The following TAS2R1 variants were observed in gnomAD, a reference collection of about 807,000 sequenced individuals.
TAS2R1 encodes the protein taste receptor type 2 member 1.
For synonymous variants in TAS2R1, 141 were observed against 134.2 expected (o/e 1.05, Z -0.35); for missense variants, 370 against 353.4 (o/e 1.05, Z -0.38).
chr5:9,654,157 C>T (rs1442849663), intron 2 of TAS2R1, among the ~76,000 whole-genome samples: 1 of 152,138 alleles, frequency 6.6e-6, no homozygotes, highest in Non-Finnish European at 1.5e-5. Context: ...TAGGAATTTC[C>T]ATGATGCCTG....
chr5:9,654,131 T>C (rs1740361796), intron 2 of TAS2R1, among the ~76,000 whole-genome samples: 1 of 152,198 alleles, frequency 6.6e-6, no homozygotes, highest in African/African-American at 2.4e-5. Context: ...TAGAGAACTT[T>C]TAAAATTACT....
intron 2 of TAS2R1, among the ~76,000 whole-genome samples, chr5:9,648,957 C>T (rs1379008022): frequency 1.3e-5 from 2 of 152,112 alleles, no homozygotes; most frequent in Non-Finnish European, 2.9e-5. Flanking sequence ...TTTTATCTGG[C>T]AGTGCTTAAA....
the TAS2R1 span, among the ~76,000 whole-genome samples, chr5:9,807,252 A>T: frequency 1.3e-5 from 2 of 152,126 alleles, no homozygotes; most frequent in Admixed American, 1.3e-4. Context: ...TGAAAAGATA[A>T]TAGATGATGG....
At chr5:9,650,024 A>C (rs1349908422) in intron 2 of TAS2R1, among the ~76,000 whole-genome samples, 1 of 152,230 alleles carries the variant, frequency 6.6e-6, no homozygotes, top group East Asian at 1.9e-4. Flanking sequence ...AGATTGTTAT[A>C]TAGTCTGGAA....
chr5:9,875,488 G>GACAC, the TAS2R1 span, among the ~76,000 whole-genome samples: 1 of 152,202 alleles, frequency 6.6e-6, no homozygotes, highest in Non-Finnish European at 1.5e-5. Context: ...ACAGCATGCA[G>GACAC]ACACTCACAG....
the TAS2R1 span, among the ~76,000 whole-genome samples, chr5:9,719,142 G>T: frequency 6.6e-6 from 1 of 152,280 alleles, no homozygotes; most frequent in South Asian, 2.1e-4. Context: ...ATTAATAAAA[G>T]ATATTTTTCT....
chr5:9,748,299 C>T, the TAS2R1 span, among the ~76,000 whole-genome samples: 1 of 152,068 alleles, frequency 6.6e-6, no homozygotes, highest in Non-Finnish European at 1.5e-5. Context: ...GTGGCACAAT[C>T]GCGGCTCACT....
At chr5:9,785,512 C>G in the TAS2R1 span, among the ~76,000 whole-genome samples, 1 of 152,118 alleles carries the variant, frequency 6.6e-6, no homozygotes, top group Non-Finnish European at 1.5e-5. Flanking sequence ...CTTCCTTTAT[C>G]TTTGTGGAGA....
At chr5:9,838,323 T>C in the TAS2R1 span, among the ~76,000 whole-genome samples, 6 of 152,160 alleles carry the variant, frequency 3.9e-5, no homozygotes, top group African/African-American at 1.4e-4. Context: ...CCCTGGTTTT[T>C]TTCCCAGAAG....
At chr5:9,761,643 TA>T in the TAS2R1 span, among the ~76,000 whole-genome samples, 1 of 152,264 alleles carries the variant, frequency 6.6e-6, no homozygotes, top group Non-Finnish European at 1.5e-5. Flanking sequence ...TGTTTTTATC[TA>T]GGCTTTGAAT....
chr5:9,689,911 G>A (rs1310236058), intron 1 of TAS2R1, among the ~76,000 whole-genome samples: 1 of 152,164 alleles, frequency 6.6e-6, no homozygotes, highest in Non-Finnish European at 1.5e-5. Context: ...CTGCACGAAT[G>A]AGCTGGGAGT....
At chr5:9,669,422 T>G (rs766419671) in intron 1 of TAS2R1, among the ~76,000 whole-genome samples, 5 of 152,108 alleles carry the variant, frequency 3.3e-5, no homozygotes, top group Non-Finnish European at 7.4e-5. Flanking sequence ...CTAAGAAACA[T>G]CTACAGAACT....
chr5:9,718,063 A>C, the TAS2R1 span, among the ~76,000 whole-genome samples: 1 of 151,890 alleles, frequency 6.6e-6, no homozygotes, highest in South Asian at 2.1e-4. Context: ...GGGTTCAAGC[A>C]ATTCTCCTGC....
the TAS2R1 span, among the ~76,000 whole-genome samples, chr5:9,810,175 T>A: frequency 6.6e-6 from 1 of 152,224 alleles, no homozygotes; most frequent in Non-Finnish European, 1.5e-5. Context: ...CAGACCCCAA[T>A]CTGTCTTTTG....
intron 2 of TAS2R1, among the ~76,000 whole-genome samples, chr5:9,635,447 G>A (rs1450448618): frequency 6.6e-6 from 1 of 152,036 alleles, no homozygotes; most frequent in Non-Finnish European, 1.5e-5. Context: ...ACATTAGGGT[G>A]ATACTGGCTT....
chr5:9,761,230 T>C, the TAS2R1 span, among the ~76,000 whole-genome samples: 1 of 152,160 alleles, frequency 6.6e-6, no homozygotes, highest in Non-Finnish European at 1.5e-5. Flanking sequence ...GAGGAGAAAA[T>C]ACATCTTCCT....
the TAS2R1 span, among the ~76,000 whole-genome samples, chr5:9,738,145 G>A: frequency 6.6e-6 from 1 of 152,164 alleles, no homozygotes; most frequent in South Asian, 2.1e-4. Flanking sequence ...TCCTGCAAGA[G>A]CTGAGTTTTT....
At chr5:9,760,477 G>T in the TAS2R1 span, among the ~76,000 whole-genome samples, 1 of 152,178 alleles carries the variant, frequency 6.6e-6, no homozygotes, top group Non-Finnish European at 1.5e-5. Flanking sequence ...ACAACCAAGT[G>T]TAAGAAGAAT....
chr5:9,700,562 T>C (rs147218762), intron 1 of TAS2R1, among the ~76,000 whole-genome samples: 580 of 152,254 alleles, frequency 3.8e-3, no homozygotes, highest in Non-Finnish European at 6.2e-3. Context: ...CAAATCTATA[T>C]CGCATGATCA....
Sources: allele counts gnomAD v4.1 joint callset (sites outside exome capture counted in the v4.1 genomes callset), GRCh38; gene constraint gnomAD v4.1.1; transcripts MANE v1.5; gene names NCBI Gene and HGNC (gene_info 2026-07-23, HGNC 2026-07-21).